SHKBP1: variants seen among roughly 807,000 people sequenced by gnomAD.
SHKBP1 encodes SH3KBP1 binding protein 1, also known as SH3KBP1-binding protein 1.
SHKBP1 carries 71 observed loss-of-function variants against 83.9 expected under a neutral mutation model. That is an observed-to-expected ratio of 0.85 (90% CI 0.70 to 1.03). The LOEUF is 1.03. Ranked by LOEUF, SHKBP1 falls within the 50% of genes least tolerant of loss-of-function variation. The pLI is 0.00. For synonymous variants in SHKBP1, 371 were observed against 398.0 expected (o/e 0.93, Z 0.81); for missense variants, 824 against 982.4 (o/e 0.84, Z 2.16).
rs755713380 is a variant in SHKBP1 at position 40,577,445 on chromosome 19, A to T, written c.186+4A>T. On this transcript the variant is annotated splice_donor_region_variant and intron_variant, in intron 3 of 17. Coordinates refer to ENST00000291842, the MANE Select transcript of SHKBP1 (RefSeq NM_138392.4). ...GCTGAAAGATGAGACCGGAGCAGTG[A>T]GTCGGACAAGAACTGAAATGGGATG... The T allele has an allele frequency of 2.5e-6, 4 of 1,599,162 alleles. No individual in the cohort carries two copies. The East Asian group carries it at 9.0e-5, about 36-fold the overall frequency.
rs1301703612 is a variant in SHKBP1 at position 40,588,615 on chromosome 19, G to C, written c.1337-9G>C. 6.2e-7 allele frequency: 1 copy of C among 1,614,128 alleles called. No homozygotes were observed. ...AGGCCTGACTTCCTGCTCTCCTTGT[G>C]CCCCTCAGTCTGTGCCGACAACAAC... On this transcript the variant is annotated splice_polypyrimidine_tract_variant and intron_variant, in intron 13 of 17. Coordinates refer to ENST00000291842, the MANE Select transcript of SHKBP1 (RefSeq NM_138392.4).
intron 9 of SHKBP1, among the ~76,000 whole-genome samples, chr19:40,581,437 C>G (rs183260482): frequency 6.6e-6 from 1 of 152,026 alleles, no homozygotes; most frequent in Admixed American, 6.5e-5. Flanking sequence ...ATCACTGGAA[C>G]CTGGGAGGCA....
rs761357091 is a variant in SHKBP1 at position 40,580,789 on chromosome 19, C to A, written c.697C>A (p.Arg233Ser). ...CTGGCAGCTGGTGTTTTCCAGCCCCCGCCTGGACTGGCCCATCGAACGACT... is the reference window on the plus strand; with the variant it reads ...CTGGCAGCTGGTGTTTTCCAGCCCCAGCCTGGACTGGCCCATCGAACGACT... ...SGWQLVFSSP[R>S]LDWPIERLAL... is the part of the protein sequence containing the mutation. The change falls in exon 9 of 18, where the codon CGC becomes AGC. Residue 233 changes from arginine (R) to serine (S), a missense_variant. This residue lies in a region of SHKBP1 where 355 missense variants were observed against 386.4 expected (regional missense o/e 0.92). Transcript: ENST00000291842. 1.2e-6 allele frequency: 2 copies of A among 1,611,872 alleles called. No individual in the cohort carries two copies. Among genetic ancestry groups the A allele is most frequent in the African/African-American group, 1.3e-5 (1 of 74,974 alleles).
chr19:40,582,165 G>T (rs562311125), intron 9 of SHKBP1, among the ~76,000 whole-genome samples, 186 bp from the exon 10 acceptor site: 3 of 152,076 alleles, frequency 2.0e-5, no homozygotes, highest in African/African-American at 7.2e-5. Flanking sequence ...CAAATGATCC[G>T]CCCACCTGAG....
At chr19:40,577,164 C>A in intron 1 of SHKBP1, 67 bp from the exon 2 acceptor site, 5 of 1,580,242 alleles carry the variant, frequency 3.2e-6, no homozygotes, top group Non-Finnish European at 4.3e-6. Context: ...CTGGATCCTG[C>A]GGGAGGGGGA....
chr19:40,576,882 C>G lies in SHKBP1; in HGVS notation c.-18C>G, dbSNP rs1169630818. 1.4e-6 allele frequency: 2 copies of G among 1,436,676 alleles called. No homozygotes were observed. The highest frequency in any genetic ancestry group is 1.5e-5 in the South Asian group (1 of 68,964). 89.0% of individuals were successfully genotyped at this position (1,436,676 alleles called of 1,614,324 possible). A position where few individuals can be genotyped will look rare whatever the true frequency, so the allele number is the denominator to read the frequency against. On this transcript the variant is annotated 5_prime_UTR_variant, in exon 1 of 18. Coordinates refer to ENST00000291842, the MANE Select transcript of SHKBP1 (RefSeq NM_138392.4). ...ACACCCGGAAGTGGGTGCGGGCCAG[C>G]CGGCTCGCCCGGGGGCCATGGCAGC...
chr19:40,586,068 C>T (rs1037604363), intron 12 of SHKBP1, among the ~76,000 whole-genome samples: 1 of 152,100 alleles, frequency 6.6e-6, no homozygotes. Flanking sequence ...TCACACCCAA[C>T]TAGTTTTTTA....
At chr19:40,588,057 A>C (rs1217702239) in intron 13 of SHKBP1, among the ~76,000 whole-genome samples, 3 of 152,194 alleles carry the variant, frequency 2.0e-5, no homozygotes, top group Admixed American at 6.5e-5. Flanking sequence ...AAATAACAGA[A>C]TGAGCAGTGC....
chr19:40,588,786 A>G lies in SHKBP1; in HGVS notation c.1492+7A>G. 2 of 1,612,292 alleles carry G rather than the reference A, an allele frequency of 1.2e-6. No individual in the cohort carries two copies. The highest frequency in any genetic ancestry group is 8.5e-7 in the Non-Finnish European group (1 of 1,179,942). On this transcript the variant is annotated splice_region_variant and intron_variant, in intron 14 of 17. Coordinates refer to ENST00000291842, the MANE Select transcript of SHKBP1 (RefSeq NM_138392.4). ...AGTGCTGGCAATGACATTGGTGCCT[A>G]CTGGCTCCTGGCCTTCCCACCCCAC... is the stretch of plus-strand genomic sequence containing the variant.
rs1397378620 is a variant in SHKBP1, at chr19:40,590,465, C to G, written c.1768+43C>G. The G allele has an allele frequency of 1.9e-6, 3 of 1,564,216 alleles. No individual in the cohort carries two copies. In the South Asian group the frequency reaches 3.6e-5, roughly 19 times the overall value. ...CCAATCCCGTCCCAAGCCCCACAGC[C>G]TCACCCAGAACCACTCTCCACTGCC... On this transcript the variant is annotated intron_variant, in intron 16 of 17. Transcript: ENST00000291842. This position sits in a 1 kb window ranked among gnomAD's most constrained non-coding sequence, Gnocchi z 4.6.
At chr19:40,580,987 CT>C in intron 9 of SHKBP1, 51 bp downstream of exon 9, 2 of 1,471,762 alleles carry the variant, frequency 1.4e-6, no homozygotes, top group African/African-American at 1.4e-5. Flanking sequence ...ATTCTACTGC[CT>C]GTTAAAATGA....
Position 40,578,511 on chromosome 19 carries a change from C to A in SHKBP1, c.369C>A (p.Asn123Lys). The change falls in exon 6 of 18, where the codon AAC (asparagine) becomes AAA (lysine). Residue 123 changes from asparagine (N) to lysine (K), a missense_variant. Physicochemically the swap from Asn to Lys is moderately conservative, Grantham distance 94. Around this residue, in one of 3 missense-constraint regions of SHKBP1, gnomAD observed 355 missense variants for 386.4 expected, o/e 0.92. Transcript: ENST00000291842. ...REELDRSSCG[N>K]VLFNGYLPPP... ...AGTTGGATCGATCTTCTTGTGGAAA[C>A]GTCCTCTTCAATGGTTACCTGCCGC... 1 of 1,614,142 alleles carries A rather than the reference C, an allele frequency of 6.2e-7. No homozygotes were observed. The highest frequency in any genetic ancestry group is 8.5e-7 in the Non-Finnish European group (1 of 1,180,028).
Position 40,591,137 on chromosome 19 carries a change from C to T in SHKBP1, c.2054C>T (p.Pro685Leu), listed in dbSNP as rs144884009. 17 of 1,606,748 alleles carry T rather than the reference C, an allele frequency of 1.1e-5. No individual in the cohort carries two copies. The highest frequency in any genetic ancestry group is 5.3e-5 in the African/African-American group (4 of 74,814). ...PDLRRPPTPA[P>L]WPSSGLGTPL... Reference sequence around the variant, plus strand: ...CTCCGACGGCCACCCACACCAGCCCCGTGGCCCTCCAGCGGTCTCGGCACT... The same window carrying T: ...CTCCGACGGCCACCCACACCAGCCCTGTGGCCCTCCAGCGGTCTCGGCACT... Residue 685 changes from proline (P) to leucine (L), a missense_variant, in exon 18 of 18, where the codon CCG becomes CTG. Transcript: ENST00000291842.
chr19:40,588,892 G>T, intron 14 of SHKBP1, 113 bp downstream of exon 14: 1 of 1,441,394 alleles, frequency 6.9e-7, no homozygotes, highest in Non-Finnish European at 9.4e-7. Context: ...AACGATTGGG[G>T]TGTCCTGATC....
rs1172123112 is a variant in SHKBP1 at position 40,580,742 on chromosome 19, A to G, written c.654-4A>G. ...GGGTTGGTGATGTCCCCTCGATCCT[A>G]CAGGTTGAAGGAAGCCTCTGGCTGG... On this transcript the variant is annotated splice_polypyrimidine_tract_variant and splice_region_variant and intron_variant, in intron 8 of 17. Coordinates refer to ENST00000291842, the MANE Select transcript of SHKBP1 (RefSeq NM_138392.4). 2 of 1,611,940 alleles carry G rather than the reference A, an allele frequency of 1.2e-6. No homozygotes were observed. Among genetic ancestry groups the G allele is most frequent in the East Asian group, 2.2e-5 (1 of 44,840 alleles).
At chr19:40,581,001 C>A in intron 9 of SHKBP1, 65 bp downstream of exon 9, 3 of 1,437,256 alleles carry the variant, frequency 2.1e-6, no homozygotes, top group South Asian at 2.8e-5. Flanking sequence ...TAAAATGACC[C>A]ACCCCATAAA....
chr19:40,585,015 A>C (rs1225904328), intron 12 of SHKBP1, among the ~76,000 whole-genome samples: 1 of 152,176 alleles, frequency 6.6e-6, no homozygotes, highest in African/African-American at 2.4e-5. Flanking sequence ...CTTCTCCTGA[A>C]TTTCTTCTAG....
At position 40,590,471 on chromosome 19, in the gene SHKBP1, C is replaced by G. The variant is rs1168556374; in HGVS notation, c.1768+49C>G. 2.6e-6 allele frequency: 4 copies of G among 1,549,796 alleles called. No individual in the cohort carries two copies. Among genetic ancestry groups the G allele is most frequent in the Admixed American group, 1.8e-5 (1 of 54,538 alleles). On this transcript the variant is annotated intron_variant, in intron 16 of 17. Transcript: ENST00000291842. The surrounding 1 kb of genome is among the most constrained non-coding windows in gnomAD (Gnocchi z 4.6). The stretch of plus-strand genomic sequence containing the variant: ...CCGTCCCAAGCCCCACAGCCTCACC[C>G]AGAACCACTCTCCACTGCCAACTGC...
At chr19:40,577,149 G>A (rs892748146) in intron 1 of SHKBP1, 82 bp from the exon 2 acceptor site, 9 of 1,557,188 alleles carry the variant, frequency 5.8e-6, no homozygotes, top group Non-Finnish European at 7.9e-6. Context: ...GAAGGGGAGG[G>A]AACCCTGGAT....
Sources: gnomAD v4.1 joint callset for allele counts (sites outside exome capture counted in the v4.1 genomes callset) on GRCh38, gnomAD v4.1.1 for gene constraint, gnomAD v4.1.1 regional missense constraint, Gnocchi (gnomAD v3.1) non-coding constraint, MANE v1.5 for transcripts, NCBI Gene and HGNC (gene_info 2026-07-23, HGNC 2026-07-21) for gene names.